Variants in WDR25 observed in about 807,000 individuals in gnomAD.
The protein encoded by WDR25 is WD repeat domain 25, also known as WD repeat-containing protein 25.
In WDR25, 35 loss-of-function variants were observed where a neutral mutation model predicts 47.7. That is an observed-to-expected ratio of 0.73 (90% CI 0.56 to 0.97). The LOEUF (loss-of-function observed/expected upper bound fraction) is 0.97, where lower values mean the gene tolerates loss of function less well. Among genes scored for constraint, WDR25 ranks in the 50% least tolerant of loss-of-function variants. The pLI, the probability that WDR25 is intolerant of heterozygous loss-of-function variation, is 0.00. For synonymous variants in WDR25, 248 were observed against 278.9 expected (o/e 0.89, Z 1.10); for missense variants, 634 against 704.7 (o/e 0.90, Z 1.14).
intron 4 of WDR25, among the ~76,000 whole-genome samples, chr14:100,514,236 C>A (rs975862372): frequency 6.6e-6 from 1 of 152,074 alleles, no homozygotes; most frequent in African/African-American, 2.4e-5. Flanking sequence ...GCGCCCGGCC[C>A]TTTTTTACTT....
chr14:100,493,874 AC>A (rs2140336100), intron 4 of WDR25, among the ~76,000 whole-genome samples: 1 of 152,236 alleles, frequency 6.6e-6, no homozygotes, highest in Non-Finnish European at 1.5e-5. Context: ...GTAAGAAGAG[AC>A]ACGAGAGAGA....
At chr14:100,481,710 C>G (rs1413725291) in intron 3 of WDR25, among the ~76,000 whole-genome samples, 1 of 152,126 alleles carries the variant, frequency 6.6e-6, no homozygotes, top group Non-Finnish European at 1.5e-5. Flanking sequence ...AAGAAAACCA[C>G]TCCTTGGTCA....
intron 3 of WDR25, among the ~76,000 whole-genome samples, chr14:100,483,674 C>T (rs561158576): frequency 6.6e-6 from 1 of 152,268 alleles, no homozygotes; most frequent in East Asian, 1.9e-4. Context: ...GGCATAGGGT[C>T]GTTGCATGGT....
chr14:100,445,963 A>G (rs917642928), intron 2 of WDR25, among the ~76,000 whole-genome samples: 1 of 152,192 alleles, frequency 6.6e-6, no homozygotes, highest in Non-Finnish European at 1.5e-5. Flanking sequence ...TGTTGAGGTA[A>G]AGGATCTGAG....
intron 4 of WDR25, among the ~76,000 whole-genome samples, chr14:100,519,742 A>ATT (rs1261568742): frequency 7.8e-6 from 1 of 128,884 alleles, no homozygotes; most frequent in Non-Finnish European, 1.5e-5. Flanking sequence ...GTGTATATAT[A>ATT]GTATATATAT....
chr14:100,514,251 C>A (rs1217608706), intron 4 of WDR25, among the ~76,000 whole-genome samples: 1 of 152,084 alleles, frequency 6.6e-6, no homozygotes, highest in Admixed American at 6.5e-5. Context: ...TTACTTTTAA[C>A]CTATTTGTAT....
At position 100,503,264 on chromosome 14, in the gene WDR25, G is replaced by A. The variant is rs187801604; in HGVS notation, c.1101+19140G>A. ...GCTGTCACCATTGCCTTTAAAGCGT[G>A]TCCCCTGGGAGCCTGAGCCAGCTCA... On this transcript the variant is annotated intron_variant, in intron 4 of 6. Coordinates refer to ENST00000402312, the MANE Select transcript of WDR25 (RefSeq NM_001161476.3). 1.5e-3 allele frequency among the ~76,000 whole-genome samples: 227 copies of A among 152,228 alleles called. 1 individual carries two copies. The highest frequency in any genetic ancestry group is 5.3e-3 in the African/African-American group (219 of 41,526).
chr14:100,424,872 T>C lies in WDR25; in HGVS notation c.822+43126T>C, dbSNP rs1285783140. Among the ~76,000 whole-genome samples the C allele has an allele frequency of 6.6e-6, 1 of 152,160 alleles. No individual in the cohort carries two copies. Among genetic ancestry groups the C allele is most frequent in the Non-Finnish European group, 1.5e-5 (1 of 68,020 alleles). On this transcript the variant is annotated intron_variant, in intron 2 of 6. Coordinates refer to ENST00000402312, the MANE Select transcript of WDR25 (RefSeq NM_001161476.3). The surrounding 1 kb of genome is among the most constrained non-coding windows in gnomAD (Gnocchi z 4.2). ...CTCAGGCTCAACAAGGTGATGCCTT[T>C]CCCAGGACATGTGCTCCTGTTGCCC... is the stretch of plus-strand genomic sequence containing the variant.
intron 3 of WDR25, among the ~76,000 whole-genome samples, chr14:100,476,171 A>G (rs1028281778): frequency 6.6e-6 from 1 of 152,190 alleles, no homozygotes; most frequent in African/African-American, 2.4e-5. Context: ...CCAGGGCTGG[A>G]GAGGATTGCT....
intron 4 of WDR25, among the ~76,000 whole-genome samples, chr14:100,519,714 G>A (rs1566946547): frequency 7.2e-6 from 1 of 138,554 alleles, no homozygotes; most frequent in East Asian, 2.0e-4. Context: ...TATATATAGT[G>A]TATATATACT....
rs1898939037 is a variant in WDR25 at position 100,449,132 on chromosome 14, A to G, written c.823-18889A>G. On this transcript the variant is annotated intron_variant, in intron 2 of 6. Transcript: ENST00000402312. The surrounding 1 kb of genome is among the most constrained non-coding windows in gnomAD (Gnocchi z 4.2). Reference sequence around the variant, plus strand: ...CTAAGCCCTTGGGATGTGCTTGGCAAGATAAGGCCTTATGGCTAGAAGGCT... The same window carrying G: ...CTAAGCCCTTGGGATGTGCTTGGCAGGATAAGGCCTTATGGCTAGAAGGCT... 1.3e-5 allele frequency among the ~76,000 whole-genome samples: 2 copies of G among 152,168 alleles called. No individual in the cohort carries two copies. The highest frequency in any genetic ancestry group is 4.8e-5 in the African/African-American group (2 of 41,450).
At chr14:100,477,168 A>G (rs1325365043) in intron 3 of WDR25, among the ~76,000 whole-genome samples, 1 of 152,236 alleles carries the variant, frequency 6.6e-6, no homozygotes, top group African/African-American at 2.4e-5. Context: ...AGGAGCCACT[A>G]TTCCAGAGTT....
intron 2 of WDR25, among the ~76,000 whole-genome samples, chr14:100,384,556 G>A (rs1375923331): frequency 6.6e-6 from 1 of 152,182 alleles, no homozygotes; most frequent in Non-Finnish European, 1.5e-5. Flanking sequence ...GTCAGAGGTG[G>A]GGCAGCATGG....
chr14:100,403,299 A>G (rs1402138658), intron 2 of WDR25, among the ~76,000 whole-genome samples: 2 of 152,220 alleles, frequency 1.3e-5, no homozygotes, highest in African/African-American at 4.8e-5. Flanking sequence ...TGGGAAGCAA[A>G]GCGGGCCTGG....
chr14:100,529,731 G>T lies in WDR25; in HGVS notation c.1414-89G>T. On this transcript the variant is annotated intron_variant, in intron 6 of 6. Transcript: ENST00000402312. This position sits in a 1 kb window ranked among gnomAD's most constrained non-coding sequence, Gnocchi z 5.1. ...AAGCCCAGCTCTGCTCCGTCAGCTC[G>T]GGGCTTCAGCCTGCTCCTCTGTAGA... The T allele has an allele frequency of 1.4e-6, 2 of 1,416,690 alleles. No individual in the cohort carries two copies. The highest frequency in any genetic ancestry group is 1.3e-5 in the South Asian group (1 of 75,690). 87.8% of individuals were successfully genotyped at this position (1,416,690 alleles called of 1,614,324 possible).
intron 3 of WDR25, among the ~76,000 whole-genome samples, chr14:100,470,944 A>G (rs1486951010): frequency 6.6e-6 from 1 of 152,162 alleles, no homozygotes; most frequent in Non-Finnish European, 1.5e-5. Flanking sequence ...GGGTTCATTC[A>G]ACTGTTGAAT....
At chr14:100,460,658 AC>A (rs1899381195) in intron 2 of WDR25, among the ~76,000 whole-genome samples, 1 of 152,186 alleles carries the variant, frequency 6.6e-6, no homozygotes, top group African/African-American at 2.4e-5. Context: ...TTAAAAAAAA[AC>A]AAACTTCCAG....
intron 5 of WDR25, 38 bp downstream of exon 5, chr14:100,526,078 C>T (rs1456373125): frequency 1.2e-6 from 2 of 1,609,548 alleles, no homozygotes; most frequent in South Asian, 2.2e-5. Context: ...CAGTTTCAGC[C>T]ACAGAGCGTA....
At chr14:100,505,053 C>A (rs1901066430) in intron 4 of WDR25, among the ~76,000 whole-genome samples, 1 of 151,992 alleles carries the variant, frequency 6.6e-6, no homozygotes, top group Non-Finnish European at 1.5e-5. Context: ...AAAGTATTTG[C>A]CTATATAAAT....
Sources: gnomAD v4.1 joint callset for allele counts (sites outside exome capture counted in the v4.1 genomes callset) on GRCh38, gnomAD v4.1.1 for gene constraint, Gnocchi (gnomAD v3.1) non-coding constraint, MANE v1.5 for transcripts, NCBI Gene and HGNC (gene_info 2026-07-23, HGNC 2026-07-21) for gene names.